CDK11B: variants seen among roughly 807,000 people sequenced by gnomAD.
CDK11B encodes the protein cyclin dependent kinase 11B.
Under a neutral mutation model 84.0 loss-of-function variants are expected in CDK11B, and 37 were observed. The observed-to-expected ratio is 0.44, with a 90% CI of 0.34 to 0.58. CDK11B has a LOEUF of 0.58. Among genes scored for constraint, CDK11B ranks in the 20% least tolerant of loss-of-function variants. The pLI is 0.02. For missense variants in CDK11B, 427 were observed against 834.0 expected (o/e 0.51, Z 6.01); for synonymous variants, 269 against 309.8 (o/e 0.87, Z 1.38).
chr1:1,649,569 C>T lies in CDK11B; in HGVS notation c.424G>A (p.Asp142Asn). Residue 142 changes from aspartate (D) to asparagine (N), a missense_variant, in exon 5 of 20, where the codon GAT (aspartate) becomes AAT (asparagine). Asp to Asn is a conservative substitution (Grantham distance 23, BLOSUM62 1). Coordinates refer to ENST00000341832, the MANE Select transcript of CDK11B (RefSeq NM_033486.3). Reference protein sequence around the residue: ...ERRKRHREEQDKARREWERQK... With the variant: ...ERRKRHREEQNKARREWERQK... ...CTTTCCCATTCCCGGCGAGCTTTATCCTGTTCTTCTCGATGCCGTTTCCGA... is the reference window on the plus strand; with the variant it reads ...CTTTCCCATTCCCGGCGAGCTTTATTCTGTTCTTCTCGATGCCGTTTCCGA... 3 of 1,606,480 alleles carry T rather than the reference C, an allele frequency of 1.9e-6. No individual in the cohort carries two copies. The highest frequency in any genetic ancestry group is 2.6e-6 in the Non-Finnish European group (3 of 1,173,160).
chr1:1,643,751 G>A (rs1640601257), intron 6 of CDK11B, among the ~76,000 whole-genome samples: 1 of 142,802 alleles, frequency 7.0e-6, no homozygotes, highest in Admixed American at 6.9e-5. Context: ...ACAGGCAGAT[G>A]TGAGCAGGCA....
Position 1,636,667 on chromosome 1 carries a change from C to G in CDK11B, c.1917+15G>C. The G allele has an allele frequency of 6.2e-7, 1 of 1,613,858 alleles. No homozygotes were observed. Among genetic ancestry groups the G allele is most frequent in the Non-Finnish European group, 8.5e-7 (1 of 1,179,770 alleles). ...CCACAACCCCACAGCGCACCTGCAG[C>G]AGGGCCAGACCCACCTTGAACACCT... On this transcript the variant is annotated intron_variant, in intron 17 of 19. Coordinates refer to ENST00000341832, the MANE Select transcript of CDK11B (RefSeq NM_033486.3).
intron 5 of CDK11B, chr1:1,646,571 G>A: frequency 1.9e-6 from 1 of 514,656 alleles, no homozygotes; most frequent in South Asian, 1.4e-5. Flanking sequence ...GATAGTTACA[G>A]GATATTGACG....
intron 3 of CDK11B, among the ~76,000 whole-genome samples, chr1:1,653,299 A>G (rs1257207779): frequency 1.3e-5 from 2 of 152,098 alleles, no homozygotes; most frequent in Middle Eastern, 3.2e-3. Flanking sequence ...CTGGGATTAC[A>G]GGTGTGAGCC....
At chr1:1,639,363 G>A (rs1178268618) in intron 11 of CDK11B, among the ~76,000 whole-genome samples, 1 of 151,730 alleles carries the variant, frequency 6.6e-6, no homozygotes, top group Non-Finnish European at 1.5e-5. Context: ...GCTCCAGTGA[G>A]CTATGATTAA....
intron 5 of CDK11B, chr1:1,646,569 C>T (rs1641155679): frequency 3.9e-6 from 2 of 515,604 alleles, no homozygotes; most frequent in Non-Finnish European, 7.8e-6. Flanking sequence ...GAGATAGTTA[C>T]AGGATATTGA....
At chr1:1,651,697 T>C (rs1285831811) in intron 4 of CDK11B, among the ~76,000 whole-genome samples, 7 of 152,138 alleles carry the variant, frequency 4.6e-5, no homozygotes, top group Admixed American at 2.0e-4. Flanking sequence ...TTGCTCTCTA[T>C]AGCCCCTCTG....
At chr1:1,654,834 AT>A (rs1000037479) in intron 3 of CDK11B, among the ~76,000 whole-genome samples, 33 of 149,682 alleles carry the variant, frequency 2.2e-4, no homozygotes, top group African/African-American at 8.1e-4. Context: ...AATTTTCTGT[AT>A]TTTTAGTAGA....
At chr1:1,650,124 G>C (rs1347960044) in intron 4 of CDK11B, among the ~76,000 whole-genome samples, 1 of 150,690 alleles carries the variant, frequency 6.6e-6, no homozygotes, top group Non-Finnish European at 1.5e-5. Flanking sequence ...CAAAAAATTA[G>C]CTGGGTGTGG....
Position 1,652,430 on chromosome 1 carries a change from C to G in CDK11B, c.355+9G>C. ...AACATGATGTCAAAGAAAGTAAATG[C>G]TTCTGTACCCCCTTCTGCTGAATGG... On this transcript the variant is annotated intron_variant, in intron 4 of 19. Coordinates refer to ENST00000341832, the MANE Select transcript of CDK11B (RefSeq NM_033486.3). 6.7e-7 allele frequency: 1 copy of G among 1,491,482 alleles called. No homozygotes were observed. Among genetic ancestry groups the G allele is most frequent in the Non-Finnish European group, 8.9e-7 (1 of 1,129,124 alleles). The allele number at this position is 1,491,482 out of a possible 1,614,324, so 92.4% of individuals were successfully genotyped here.
rs531224344 is a variant in CDK11B at position 1,637,250 on chromosome 1, G to A, written c.1571-48C>T. The stretch of plus-strand genomic sequence containing the variant: ...TGTGGACCTGGCTGCCCCCAGCCCA[G>A]GGCACTCAGGGTGGCCCACTCGCCT... On this transcript the variant is annotated intron_variant, in intron 14 of 19. Coordinates refer to ENST00000341832, the MANE Select transcript of CDK11B (RefSeq NM_033486.3). 4.4e-6 allele frequency: 7 copies of A among 1,605,092 alleles called. No individual in the cohort carries two copies. The Admixed American group carries it at 1.2e-4, about 27-fold the overall frequency.
chr1:1,652,382 G>C (rs1642131490), intron 4 of CDK11B, 57 bp downstream of exon 4: 46 of 1,389,196 alleles, frequency 3.3e-5, no homozygotes, highest in Non-Finnish European at 3.9e-5. Flanking sequence ...AGAAGAGTAG[G>C]AACAGGAAAG....
chr1:1,643,401 T>C (rs1171001460), intron 6 of CDK11B, among the ~76,000 whole-genome samples: 6 of 150,674 alleles, frequency 4.0e-5, no homozygotes, highest in African/African-American at 1.5e-4. Context: ...AATCACATCA[T>C]GAGAATCAAA....
At chr1:1,650,375 TTTTTTTTG>T (rs1641824320) in intron 4 of CDK11B, among the ~76,000 whole-genome samples, 1 of 147,000 alleles carries the variant, frequency 6.8e-6, no homozygotes, top group Non-Finnish European at 1.5e-5. Flanking sequence ...TTTTTCTTTT[TTTTTTTTG>T]GAGATGGAGT....
chr1:1,636,505 A>C, intron 17 of CDK11B, 24 bp from the exon 18 acceptor site: 1 of 1,605,106 alleles, frequency 6.2e-7, no homozygotes, highest in East Asian at 2.2e-5. Context: ...GTGCTTCAAC[A>C]GCCACACCAA....
chr1:1,650,082 A>G lies in CDK11B; in HGVS notation c.356-445T>C, dbSNP rs1266641300. ...AGGTCAGATCGGGACCATCCTGGCT[A>G]ACACGGTGAAACCCCATCTCTACTA... On this transcript the variant is annotated intron_variant, in intron 4 of 19. Coordinates refer to ENST00000341832, the MANE Select transcript of CDK11B (RefSeq NM_033486.3). Among the ~76,000 whole-genome samples the G allele has an allele frequency of 2.9e-3, 436 of 151,442 alleles. 5 individuals carry two copies. Among genetic ancestry groups the G allele is most frequent in the African/African-American group, 0.01 (414 of 41,250 alleles).
At chr1:1,653,667 T>C (rs1642309037) in intron 3 of CDK11B, among the ~76,000 whole-genome samples, 1 of 151,888 alleles carries the variant, frequency 6.6e-6, no homozygotes, top group African/African-American at 2.4e-5. Context: ...TGTTATTTAT[T>C]CCCCAATAAA....
chr1:1,653,065 G>C (rs1328032241), intron 3 of CDK11B, among the ~76,000 whole-genome samples: 4 of 151,548 alleles, frequency 2.6e-5, no homozygotes, highest in South Asian at 2.1e-4. Flanking sequence ...TGTTGCCCAG[G>C]CTGGAATGCA....
At chr1:1,647,514 A>G (rs1298750137) in intron 5 of CDK11B, among the ~76,000 whole-genome samples, 1 of 152,246 alleles carries the variant, frequency 6.6e-6, no homozygotes, top group Non-Finnish European at 1.5e-5. Context: ...CCAGCACTGG[A>G]AAAAGGCTGG....
Sources: gnomAD v4.1 joint callset for allele counts (sites outside exome capture counted in the v4.1 genomes callset) on GRCh38, gnomAD v4.1.1 for gene constraint, MANE v1.5 for transcripts, NCBI Gene and HGNC (gene_info 2026-07-23, HGNC 2026-07-21) for gene names.